NPHP1: variants seen among roughly 807,000 people sequenced by gnomAD.
NPHP1 encodes nephrocystin-1.
A neutral mutation model predicts 90.4 loss-of-function variants in NPHP1; 70 were observed. That is an observed-to-expected ratio of 0.77 (90% CI 0.64 to 0.95). NPHP1 has a LOEUF of 0.95. NPHP1 is among the 40% of genes least tolerant of loss of function. NPHP1 has a pLI of 0.00. For missense variants in NPHP1, 764 were observed against 795.9 expected (o/e 0.96, Z 0.48); for synonymous variants, 256 against 271.7 (o/e 0.94, Z 0.57).
intron 19 of NPHP1, 156 bp from the exon 20 acceptor site, chr2:110,124,219 G>A: frequency 1.3e-6 from 1 of 787,354 alleles, no homozygotes; most frequent in Non-Finnish European, 2.2e-6. Flanking sequence ...GCAGGACATG[G>A]CACTTCAGAA....
chr2:110,125,281 G>T (rs1330265076), intron 19 of NPHP1: 4 of 1,535,730 alleles, frequency 2.6e-6, no homozygotes, highest in Non-Finnish European at 3.5e-6. Flanking sequence ...TACAGCTCAG[G>T]CCATTTTTTT....
At chr2:110,162,913 A>C (rs1559074008) in intron 9 of NPHP1, 135 bp downstream of exon 9, 1 of 715,934 alleles carries the variant, frequency 1.4e-6, no homozygotes, top group Non-Finnish European at 2.5e-6. Flanking sequence ...AGGAAGGATG[A>C]GGAAAAGATG....
chr2:110,192,046 A>G (rs1185416725), intron 2 of NPHP1, among the ~76,000 whole-genome samples: 1 of 152,148 alleles, frequency 6.6e-6, no homozygotes, highest in Non-Finnish European at 1.5e-5. Context: ...ATAAAACCAC[A>G]GAGATGGGGA....
At chr2:110,185,631 C>T (rs1175386647) in intron 2 of NPHP1, among the ~76,000 whole-genome samples, 2 of 152,178 alleles carry the variant, frequency 1.3e-5, no homozygotes, top group Non-Finnish European at 2.9e-5. Flanking sequence ...CCTTGCTGGT[C>T]ACTCCGCTAT....
At chr2:110,190,401 G>A (rs907710741) in intron 2 of NPHP1, among the ~76,000 whole-genome samples, 8 of 152,202 alleles carry the variant, frequency 5.3e-5, no homozygotes, top group African/African-American at 1.9e-4. Context: ...AAGGCCGGGT[G>A]AGAAATTGAG....
In NPHP1 at chr2:110,124,020, T is replaced by C. The variant is rs1291356538; in HGVS notation, c.1805A>G (p.His602Arg). ...FLKSTFLLVY[H>R]DCVLPLLHST... The stretch of plus-strand genomic sequence containing the variant: ...GTGGAGAAGTGGGAGCACGCAGTCA[T>C]GGTAAACCAGGAGAAACGTGGACTT... Residue 602 changes from histidine (H) to arginine (R), a missense_variant, in exon 20 of 20, where the codon CAT (histidine) becomes CGT (arginine). Physicochemically the swap from His to Arg is conservative, Grantham distance 29. Transcript: ENST00000445609. 1.9e-6 allele frequency: 3 copies of C among 1,614,112 alleles called. No homozygotes were observed. Among genetic ancestry groups the C allele is most frequent in the South Asian group, 1.1e-5 (1 of 91,070 alleles).
intron 2 of NPHP1, chr2:110,185,315 A>C: frequency 5.4e-6 from 2 of 368,472 alleles, no homozygotes; most frequent in East Asian, 6.8e-5. Flanking sequence ...AGCACATGCA[A>C]GTGCCATGTG....
chr2:110,131,619 T>C, intron 17 of NPHP1, 60 bp downstream of exon 17: 1 of 964,320 alleles, frequency 1.0e-6, no homozygotes, highest in Non-Finnish European at 1.7e-6. Context: ...ATGGTATAGG[T>C]TACCTTTACT....
chr2:110,157,908 G>C (rs188058090), intron 11 of NPHP1, among the ~76,000 whole-genome samples: 7 of 152,264 alleles, frequency 4.6e-5, no homozygotes, highest in African/African-American at 1.7e-4. Context: ...CTGTAGATTT[G>C]AGAATTCTTT....
At chr2:110,154,109 G>A (rs533203793) in intron 11 of NPHP1, among the ~76,000 whole-genome samples, 1 of 152,234 alleles carries the variant, frequency 6.6e-6, no homozygotes, top group Non-Finnish European at 1.5e-5. Context: ...AGTGGGTGGT[G>A]ATTGAATTAT....
At chr2:110,164,445 C>G in intron 8 of NPHP1, 1 of 778,126 alleles carries the variant, frequency 1.3e-6, no homozygotes, top group Non-Finnish European at 2.3e-6. Flanking sequence ...AGAATGTTTC[C>G]AAGTCCTCAA....
At position 110,168,544 on chromosome 2, in the gene NPHP1, T is replaced by C; in HGVS notation, c.532A>G (p.Ile178Val). The stretch of plus-strand genomic sequence containing the variant: ...GGTTTTTTTTCAATTACAAGGAGAA[T>C]TTCCCCTTTCTTAAAGCAAAACAAA... ...VGDLTFKKGEILLVIEKKPDG... is the reference protein window; with the variant it reads ...VGDLTFKKGEVLLVIEKKPDG... The change falls in exon 6 of 20, where the codon ATT (isoleucine) becomes GTT (valine). Residue 178 changes from isoleucine to valine, a missense_variant. Coordinates refer to ENST00000445609, the MANE Select transcript of NPHP1 (RefSeq NM_001128178.3). 6.2e-7 allele frequency: 1 copy of C among 1,606,514 alleles called. No homozygotes were observed. The highest frequency in any genetic ancestry group is 8.5e-7 in the Non-Finnish European group (1 of 1,173,226).
At chr2:110,194,024 T>A (rs1684951825) in intron 2 of NPHP1, among the ~76,000 whole-genome samples, 1 of 151,680 alleles carries the variant, frequency 6.6e-6, no homozygotes, top group African/African-American at 2.4e-5. Context: ...AGAGGGAAAT[T>A]TATAGCACTA....
intron 2 of NPHP1, among the ~76,000 whole-genome samples, chr2:110,194,246 T>G (rs1474426893): frequency 6.6e-6 from 1 of 151,508 alleles, no homozygotes; most frequent in Non-Finnish European, 1.5e-5. Flanking sequence ...TCAACAAAAT[T>G]GATAAACCGC....
Position 110,144,534 on chromosome 2 carries a change from T to TATACCACTTC in NPHP1, c.1387_1388insGAAGTGGTAT (p.Tyr463Ter). 1 of 1,606,478 alleles carries TATACCACTTC rather than the reference T, an allele frequency of 6.2e-7. No individual in the cohort carries two copies. ...AGGGTCCACTTCAATACCTTTTTCA[T>TATACCACTTC]AAGGAGTACCACCATTCAAGAAAAG... On this transcript the variant is annotated stop_gained and frameshift_variant, in exon 15 of 20. Transcript: ENST00000445609. LOFTEE classifies it high-confidence loss of function.
At chr2:110,126,952 A>C (rs1679411732) in intron 18 of NPHP1, 1 of 152,646 alleles carries the variant, frequency 6.6e-6, no homozygotes, top group South Asian at 2.1e-4. Context: ...TGTTTCACTT[A>C]GAGTAACTCA....
At chr2:110,155,928 T>C (rs1246370499) in intron 11 of NPHP1, among the ~76,000 whole-genome samples, 1 of 152,046 alleles carries the variant, frequency 6.6e-6, no homozygotes, top group Non-Finnish European at 1.5e-5. Flanking sequence ...TGTGAGGACA[T>C]GAGATTTGGA....
chr2:110,139,413 T>C (rs75730390), intron 16 of NPHP1, among the ~76,000 whole-genome samples: 35 of 152,244 alleles, frequency 2.3e-4, no homozygotes, highest in Non-Finnish European at 4.4e-4. Flanking sequence ...AACTGAAGCA[T>C]CTATTTGCTC....
intron 4 of NPHP1, among the ~76,000 whole-genome samples, chr2:110,177,838 C>T (rs1003902558): frequency 6.6e-6 from 1 of 151,878 alleles, no homozygotes; most frequent in African/African-American, 2.4e-5. Context: ...AACTTCTGGG[C>T]TCAAGCAATC....
Sources: allele counts gnomAD v4.1 joint callset (sites outside exome capture counted in the v4.1 genomes callset), GRCh38; gene constraint gnomAD v4.1.1; transcripts MANE v1.5; gene names NCBI Gene and HGNC (gene_info 2026-07-23, HGNC 2026-07-21).